The following DDX60 variants were observed in gnomAD, a reference collection of about 807,000 sequenced individuals.
DDX60 encodes DExD/H-box helicase 60, also known as probable ATP-dependent RNA helicase DDX60.
In DDX60, 165 loss-of-function variants were observed where a neutral mutation model predicts 212.8. The ratio of observed to expected loss-of-function variants is 0.78; its 90% CI spans 0.68 to 0.88. DDX60 has a LOEUF of 0.88. DDX60 is among the 40% of genes least tolerant of loss of function. The pLI is 0.00. For missense variants in DDX60, 1,905 were observed against 2,003.9 expected, an observed-to-expected ratio of 0.95 and a Z score of 0.94; for synonymous variants, 703 against 685.3, an observed-to-expected ratio of 1.03 and a Z score of -0.40.
chr4:168,298,695 G>A (rs567042582), intron 6 of DDX60, among the ~76,000 whole-genome samples: 1 of 152,012 alleles, frequency 6.6e-6, no homozygotes, highest in Non-Finnish European at 1.5e-5. Flanking sequence ...TAAGTTAAGG[G>A]ATAAAAGACA....
chr4:168,305,373 T>C (rs1296154482), intron 5 of DDX60, among the ~76,000 whole-genome samples: 1 of 152,172 alleles, frequency 6.6e-6, no homozygotes, highest in Non-Finnish European at 1.5e-5. Flanking sequence ...TATGACATAA[T>C]TCTCAAACAG....
intron 13 of DDX60, 149 bp downstream of exon 13, chr4:168,283,297 A>G (rs1735673870): frequency 1.5e-6 from 1 of 666,508 alleles, no homozygotes; most frequent in Non-Finnish European, 2.4e-6. Context: ...GCAAGAGGTA[A>G]AAGAATAAGT....
intron 7 of DDX60, 124 bp from the exon 8 acceptor site, chr4:168,292,030 T>C (rs1275972715): frequency 8.7e-6 from 4 of 457,852 alleles, no homozygotes; most frequent in Non-Finnish European, 1.4e-5. Context: ...TATTCCTTTC[T>C]TTCTTTCTTT....
intron 8 of DDX60, among the ~76,000 whole-genome samples, chr4:168,289,581 C>T (rs1424316779): frequency 2.0e-5 from 3 of 152,170 alleles, no homozygotes; most frequent in Admixed American, 6.5e-5. Flanking sequence ...GCCCATTCCA[C>T]CCTTCTAAGT....
At chr4:168,251,273 A>C (rs1007118657) in intron 27 of DDX60, among the ~76,000 whole-genome samples, 167 bp from the exon 28 acceptor site, 2 of 152,384 alleles carry the variant, frequency 1.3e-5, no homozygotes, top group Non-Finnish European at 2.9e-5. Context: ...CAGTAACTAC[A>C]AGAAAAATCT....
At chr4:168,255,627 G>A in intron 26 of DDX60, 84 bp downstream of exon 26, 6 of 1,204,170 alleles carry the variant, frequency 5.0e-6, no homozygotes, top group Non-Finnish European at 5.7e-6. Context: ...CTTATTTATA[G>A]AACATATTCA....
At position 168,306,594 on chromosome 4, in the gene DDX60, A is replaced by G; in HGVS notation, c.391T>C (p.Trp131Arg). ...TTFSRCLSKE[W>R]GSFLEESYPY... The stretch of plus-strand genomic sequence containing the variant: ...TAACTCTCTTCCAAGAAACTTCCCC[A>G]CTCTTTTGATAAGCATCTCGAAAAT... Residue 131 changes from tryptophan to arginine, a missense_variant, in exon 5 of 38, where the codon TGG becomes CGG. Trp to Arg is a moderately radical substitution (Grantham distance 101). Transcript: ENST00000393743. 1.2e-6 allele frequency: 2 copies of G among 1,614,032 alleles called. No homozygotes were observed. Among genetic ancestry groups the G allele is most frequent in the South Asian group, 2.2e-5 (2 of 91,066 alleles).
In DDX60 at chr4:168,290,736, T is replaced by C. The variant is rs72981320; in HGVS notation, c.1041+1012A>G. On this transcript the variant is annotated intron_variant, in intron 8 of 37. Coordinates refer to ENST00000393743, the MANE Select transcript of DDX60 (RefSeq NM_017631.6). ...TATCAGATTATAAAGCATTCTATGA[T>C]TCCGTCTTCATAATTACTTTTAAAA... is the stretch of plus-strand genomic sequence containing the variant. Among the ~76,000 whole-genome samples, 765 of 152,282 alleles carry C rather than the reference T, an allele frequency of 5.0e-3. 8 individuals carry two copies. Among genetic ancestry groups the C allele is most frequent in the African/African-American group, 0.018 (738 of 41,536 alleles).
chr4:168,231,424 C>T lies in DDX60; in HGVS notation c.4533+4828G>A, dbSNP rs1466442043. On this transcript the variant is annotated intron_variant, in intron 33 of 37. Transcript: ENST00000393743. ...ACAAAAAAAAAAAGAAAGAAAACTA[C>T]AGACCAATATCTCTGATGAACATAA... Among the ~76,000 whole-genome samples the T allele has an allele frequency of 2.6e-5, 4 of 151,158 alleles. No homozygotes were observed. The East Asian group carries it at 7.8e-4, about 29-fold the overall frequency.
chr4:168,297,366 GAA>G (rs1491262730), intron 6 of DDX60, among the ~76,000 whole-genome samples: 71 of 54,030 alleles, frequency 1.3e-3, no homozygotes, highest in Middle Eastern at 7.6e-3. Flanking sequence ...AAGAAAGAAA[GAA>G]AGAAAGAAAG....
chr4:168,256,456 A>T, intron 25 of DDX60, among the ~76,000 whole-genome samples: 1 of 152,132 alleles, frequency 6.6e-6, no homozygotes, highest in Non-Finnish European at 1.5e-5. Context: ...GAATATAGTG[A>T]TCCATACTTC....
At chr4:168,254,116 G>T (rs905611360) in intron 26 of DDX60, among the ~76,000 whole-genome samples, 1 of 152,278 alleles carries the variant, frequency 6.6e-6, no homozygotes, top group Non-Finnish European at 1.5e-5. Context: ...GTAATAAACC[G>T]TCAAATAAAA....
chr4:168,233,855 G>T (rs1012938860), intron 33 of DDX60, among the ~76,000 whole-genome samples: 7 of 151,596 alleles, frequency 4.6e-5, no homozygotes, highest in Non-Finnish European at 7.4e-5. Context: ...AAAACCTACT[G>T]AAATAAAAAA....
At chr4:168,246,813 C>T (rs1464042240) in intron 29 of DDX60, among the ~76,000 whole-genome samples, 195 bp from the exon 30 acceptor site, 1 of 152,144 alleles carries the variant, frequency 6.6e-6, no homozygotes, top group East Asian at 1.9e-4. Context: ...AAAACTGAGA[C>T]ATCTGTCATC....
intron 1 of DDX60, among the ~76,000 whole-genome samples, chr4:168,316,426 C>A (rs1368257093): frequency 2.0e-5 from 3 of 152,032 alleles, no homozygotes; most frequent in Non-Finnish European, 4.4e-5. Context: ...ACCAACTTGG[C>A]AGTTCACAAA....
chr4:168,263,848 G>A (rs565682392), intron 22 of DDX60, among the ~76,000 whole-genome samples: 1 of 152,138 alleles, frequency 6.6e-6, no homozygotes, highest in East Asian at 1.9e-4. Context: ...CCTGTTGAAT[G>A]GGCTAAGAGA....
chr4:168,303,799 T>C (rs1207179182), intron 5 of DDX60, among the ~76,000 whole-genome samples: 1 of 152,126 alleles, frequency 6.6e-6, no homozygotes, highest in African/African-American at 2.4e-5. Flanking sequence ...CTGGCCAACA[T>C]AGTGAAACCC....
chr4:168,319,219 A>C (rs1194849450), upstream of DDX60, among the ~76,000 whole-genome samples: 1 of 152,202 alleles, frequency 6.6e-6, no homozygotes, highest in Non-Finnish European at 1.5e-5. Flanking sequence ...ACTAAAAAAA[A>C]CCTTAAAAGA....
intron 22 of DDX60, among the ~76,000 whole-genome samples, 153 bp downstream of exon 22, chr4:168,267,427 CTT>C (rs758701408): frequency 1.3e-5 from 2 of 152,180 alleles, no homozygotes; most frequent in East Asian, 1.9e-4. Context: ...AAAGAATACT[CTT>C]GTTATTTTTT....
Sources: allele counts gnomAD v4.1 joint callset (sites outside exome capture counted in the v4.1 genomes callset), GRCh38; gene constraint gnomAD v4.1.1; transcripts MANE v1.5; gene names NCBI Gene and HGNC (gene_info 2026-07-23, HGNC 2026-07-21).